ARID1B: variants seen among roughly 807,000 people sequenced by gnomAD.
ARID1B encodes AT-rich interactive domain-containing protein 1B.
In ARID1B, 30 loss-of-function variants were observed where a neutral mutation model predicts 212.3. That is an observed-to-expected ratio of 0.14 (90% CI 0.11 to 0.19). The LOEUF is 0.19. ARID1B is among the 10% of genes least tolerant of loss of function. The pLI is 1.00. For synonymous variants in ARID1B, 1,402 were observed against 1,301.7 expected (o/e 1.08, Z -1.66); for missense variants, 2,891 against 3,204.0 (o/e 0.90, Z 2.36).
chr6:157,007,593 A>G (rs1418678256), intron 4 of ARID1B, among the ~76,000 whole-genome samples: 3 of 152,228 alleles, frequency 2.0e-5, no homozygotes, highest in Non-Finnish European at 4.4e-5. Context: ...ATTAAAATAG[A>G]AAGTAGAGAA....
chr6:157,133,471 G>A (rs1284267250), intron 7 of ARID1B, among the ~76,000 whole-genome samples: 1 of 152,144 alleles, frequency 6.6e-6, no homozygotes, highest in Non-Finnish European at 1.5e-5. Context: ...GTGAAGTAGG[G>A]GACCCCTATC....
chr6:157,097,742 G>A (rs1412083053), intron 5 of ARID1B, among the ~76,000 whole-genome samples: 1 of 152,212 alleles, frequency 6.6e-6, no homozygotes, highest in East Asian at 1.9e-4. Flanking sequence ...GGAGCAGGCA[G>A]GCGCCTCAGC....
intron 17 of ARID1B, among the ~76,000 whole-genome samples, chr6:157,199,361 C>T (rs1015537684): frequency 1.3e-5 from 2 of 151,954 alleles, no homozygotes; most frequent in African/African-American, 4.8e-5. Context: ...GCTAATGATA[C>T]TTATTTTGAA....
intron 11 of ARID1B, 37 bp from the exon 12 acceptor site, chr6:157,180,932 C>G (rs760402131): frequency 6.3e-7 from 1 of 1,584,276 alleles, no homozygotes; most frequent in South Asian, 1.1e-5. Context: ...CTCTGCCCAC[C>G]CATGCCCCAC....
intron 3 of ARID1B, among the ~76,000 whole-genome samples, chr6:156,929,214 A>G (rs1437240349): frequency 1.3e-5 from 2 of 152,170 alleles, no homozygotes; most frequent in Non-Finnish European, 2.9e-5. Context: ...TCTTGCGAAT[A>G]TGAGCTGTCA....
At chr6:157,171,945 A>G (rs1382204202) in intron 9 of ARID1B, among the ~76,000 whole-genome samples, 1 of 152,180 alleles carries the variant, frequency 6.6e-6, no homozygotes, top group East Asian at 1.9e-4. Context: ...TTCATACATA[A>G]TTTATTGTAA....
intron 4 of ARID1B, among the ~76,000 whole-genome samples, chr6:156,999,007 A>G (rs141408866): frequency 1.2e-3 from 177 of 152,274 alleles, no homozygotes; most frequent in African/African-American, 3.9e-3. Context: ...GAGAGGGGGA[A>G]GTTTATATGT....
intron 4 of ARID1B, among the ~76,000 whole-genome samples, chr6:157,052,036 T>G (rs971593263): frequency 4.6e-5 from 7 of 152,232 alleles, no homozygotes; most frequent in Admixed American, 1.3e-4. Context: ...AGAAAAAGAC[T>G]GTTAAAAACT....
chr6:157,179,870 C>A (rs540265693), intron 11 of ARID1B, among the ~76,000 whole-genome samples: 1 of 152,110 alleles, frequency 6.6e-6, no homozygotes, highest in Non-Finnish European at 1.5e-5. Flanking sequence ...TGTTAGTTAA[C>A]CCCCTAAACC....
chr6:156,987,614 G>A (rs1778010211), intron 4 of ARID1B, among the ~76,000 whole-genome samples: 2 of 152,326 alleles, frequency 1.3e-5, no homozygotes, highest in African/African-American at 4.8e-5. Context: ...ACAGGCGTGA[G>A]CCACCACGCC....
chr6:157,104,768 G>A (rs1332463040), intron 5 of ARID1B, among the ~76,000 whole-genome samples: 1 of 152,122 alleles, frequency 6.6e-6, no homozygotes, highest in East Asian at 1.9e-4. Flanking sequence ...CTTGTTCTTG[G>A]GTGGGATGAA....
In ARID1B at chr6:156,778,268, CCAGCAGCAGCAGCAG is replaced by C. The variant is rs587779743; in HGVS notation, c.597_611del (p.Gln210_Gln214del). On this transcript the variant is annotated inframe_deletion, in exon 1 of 20. Coordinates refer to ENST00000636930, the MANE Select transcript of ARID1B (RefSeq NM_001374828.1). ...CACTACAGCAGCAGCTAAACCAGTT[CCAGCAGCAGCAGCAG>C]CAGCAGCAACAGCAGCAGCAGCAGC... The C allele has an allele frequency of 7.4e-5, 114 of 1,536,708 alleles. No individual in the cohort carries two copies. Among genetic ancestry groups the C allele is most frequent in the Middle Eastern group, 1.7e-4 (1 of 5,892 alleles).
intron 3 of ARID1B, among the ~76,000 whole-genome samples, chr6:156,902,986 T>C (rs998477082): frequency 6.6e-6 from 1 of 152,156 alleles, no homozygotes; most frequent in Admixed American, 6.5e-5. Context: ...TGTCATGTCA[T>C]CAAAATTTAA....
At chr6:157,124,218 A>C (rs1355299518) in intron 6 of ARID1B, among the ~76,000 whole-genome samples, 2 of 152,266 alleles carry the variant, frequency 1.3e-5, no homozygotes, top group East Asian at 3.8e-4. Flanking sequence ...TTTGTAAAGT[A>C]AGAGCAAATG....
chr6:156,934,417 T>TG (rs2128269703), intron 3 of ARID1B, among the ~76,000 whole-genome samples: 1 of 150,590 alleles, frequency 6.6e-6, no homozygotes, highest in East Asian at 1.9e-4. Flanking sequence ...GAATACCTCT[T>TG]GGAAGAGTGT....
intron 4 of ARID1B, among the ~76,000 whole-genome samples, chr6:157,073,341 T>TAGATC (rs1239142224): frequency 5.9e-5 from 9 of 152,118 alleles, no homozygotes; most frequent in African/African-American, 2.2e-4. Flanking sequence ...TGACCTCAGG[T>TAGATC]GATCTGCCTG....
rs983439669 is a variant in ARID1B, at chr6:157,210,723, TAAAAA to T, written c.*2834_*2838del. The T allele has an allele frequency of 8.8e-6, 2 of 226,442 alleles. No individual in the cohort carries two copies. The highest frequency in any genetic ancestry group is 1.1e-4 in the Admixed American group (2 of 17,404). The allele number at this position is 226,442 out of a possible 1,614,324, so 14.0% of individuals were successfully genotyped here. ...ATGTGTACCAAAAAAAAAAAAAAGATAAAAAATAAAGGTGCAAAGAAAGTTTAGTA... is the reference window on the plus strand; with the variant it reads ...ATGTGTACCAAAAAAAAAAAAAAGATATAAAGGTGCAAAGAAAGTTTAGTA... On this transcript the variant is annotated 3_prime_UTR_variant, in exon 20 of 20. Coordinates refer to ENST00000636930, the MANE Select transcript of ARID1B (RefSeq NM_001374828.1).
At chr6:156,851,933 G>C (rs191800744) in intron 2 of ARID1B, among the ~76,000 whole-genome samples, 8 of 152,300 alleles carry the variant, frequency 5.3e-5, no homozygotes, top group African/African-American at 1.9e-4. Context: ...AGGTATTATG[G>C]AGATATTGTT....
At chr6:156,878,650 GTGTT>G (rs1000833955) in intron 2 of ARID1B, among the ~76,000 whole-genome samples, 49 of 152,336 alleles carry the variant, frequency 3.2e-4, no homozygotes, top group African/African-American at 1.2e-3. Flanking sequence ...AAGCAAGTAA[GTGTT>G]TGGCCTTTCC....
Sources: allele counts gnomAD v4.1 joint callset (sites outside exome capture counted in the v4.1 genomes callset), GRCh38; gene constraint gnomAD v4.1.1; transcripts MANE v1.5; gene names NCBI Gene and HGNC (gene_info 2026-07-23, HGNC 2026-07-21).